Variants in ATG12 observed in about 807,000 individuals in gnomAD.
ATG12 encodes the protein ubiquitin-like protein ATG12.
In ATG12, 19 loss-of-function variants were observed where a neutral mutation model predicts 17.6. The observed-to-expected ratio is 1.08, with a 90% CI of 0.75 to 1.58. The LOEUF (loss-of-function observed/expected upper bound fraction) is 1.58. Among genes scored for constraint, ATG12 ranks in the 40% most tolerant of loss-of-function variants. The probability of loss-of-function intolerance (pLI) is 0.00; values close to 1 mark genes in which losing one functional copy is unlikely to be tolerated. For synonymous variants in ATG12, 75 were observed against 62.4 expected, an observed-to-expected ratio of 1.20 and a Z score of -0.95; for missense variants, 214 against 162.0, an observed-to-expected ratio of 1.32 and a Z score of -1.74.
At chr5:115,840,598 A>G (rs532913790) in intron 1 of ATG12, 5 of 1,279,510 alleles carry the variant, frequency 3.9e-6, no homozygotes, top group Non-Finnish European at 2.0e-6. Flanking sequence ...GCGCCCGGCC[A>G]GAGACCACTG....
chr5:115,834,672 G>A (rs535379532), intron 2 of ATG12, among the ~76,000 whole-genome samples: 34 of 152,110 alleles, frequency 2.2e-4, no homozygotes, highest in Non-Finnish European at 4.0e-4. Flanking sequence ...AATAGTCTGT[G>A]CCCCGATTAA....
At position 115,832,719 on chromosome 5, in the gene ATG12, A is replaced by AT. The variant is rs759539361; in HGVS notation, c.301-56dup. 1.1e-3 allele frequency: 1,521 copies of AT among 1,412,314 alleles called. 1 individual carries two copies. The highest frequency in any genetic ancestry group is 1.4e-3 in the Non-Finnish European group (1,439 of 1,064,072). 87.5% of individuals were successfully genotyped at this position (1,412,314 alleles called of 1,614,324 possible). On this transcript the variant is annotated intron_variant, in intron 2 of 3. Coordinates refer to ENST00000509910, the MANE Select transcript of ATG12 (RefSeq NM_004707.4). Reference sequence around the variant, plus strand: ...TTTAATGGTATCCTGATTAATCTGCATTTTTCTGCATTCCAATCAGCTAGC... The same window carrying AT: ...TTTAATGGTATCCTGATTAATCTGCATTTTTTCTGCATTCCAATCAGCTAGC...
At chr5:115,831,945 C>T in intron 3 of ATG12, 82 bp from the exon 4 acceptor site, 1 of 1,296,828 alleles carries the variant, frequency 7.7e-7, no homozygotes. Flanking sequence ...CCACATGTAT[C>T]ATAAATATCC....
chr5:115,832,896 C>A lies in ATG12; in HGVS notation c.301-232G>T, dbSNP rs569743569. On this transcript the variant is annotated intron_variant, in intron 2 of 3. Transcript: ENST00000509910. ...CAGTTCCTAGAACAGTGGTTCCTAA[C>A]TTTGTATAACTAAGAAACTTTTAAA... The A allele has an allele frequency of 1.1e-5, 4 of 378,258 alleles. No homozygotes were observed. The East Asian group carries it at 1.6e-4, about 15-fold the overall frequency. 23.4% of individuals were successfully genotyped at this position (378,258 alleles called of 1,614,324 possible). A position where few individuals can be genotyped will look rare whatever the true frequency, so the allele number is the denominator to read the frequency against.
Position 115,841,445 on chromosome 5 carries a change from A to G in ATG12, c.108T>C (p.Ser36=), listed in dbSNP as rs368622242. 5 of 1,610,138 alleles carry G rather than the reference A, an allele frequency of 3.1e-6. No homozygotes were observed. The African/African-American group carries it at 6.7e-5, about 22-fold the overall frequency. The part of the protein sequence containing the change: ...SPETTTPEPP[S]SAAVSPGTEE... ...CTGTTCCCGGGGAAACTGCAGCGGA[A>G]GACGGGGGCTCCGGGGTGGTTGTTT... The change falls in exon 1 of 4, where the codon TCT becomes TCC. Residue 36 remains serine (S), a synonymous_variant. Coordinates refer to ENST00000509910, the MANE Select transcript of ATG12 (RefSeq NM_004707.4).
At chr5:115,832,432 A>T (rs2112718227) in intron 3 of ATG12, among the ~76,000 whole-genome samples, 170 bp downstream of exon 3, 1 of 152,142 alleles carries the variant, frequency 6.6e-6, no homozygotes, top group East Asian at 1.9e-4. Flanking sequence ...ACAGAACAAG[A>T]AAGTCATCTT....
At chr5:115,837,380 T>TG (rs1761149207) in intron 2 of ATG12, among the ~76,000 whole-genome samples, 1 of 150,750 alleles carries the variant, frequency 6.6e-6, no homozygotes, top group African/African-American at 2.4e-5. Context: ...GCTACTAGGG[T>TG]GGCTGAGGCA....
Position 115,840,524 on chromosome 5 carries a change from T to G in ATG12, c.163+866A>C, listed in dbSNP as rs142331224. On this transcript the variant is annotated intron_variant, in intron 1 of 3. Transcript: ENST00000509910. ...TGTTGGCCAGGCTGGTCTCGAACTCTTGACCTCAGGTGATCCACCCGCCTC... is the reference window on the plus strand; with the variant it reads ...TGTTGGCCAGGCTGGTCTCGAACTCGTGACCTCAGGTGATCCACCCGCCTC... 6.6e-4 allele frequency: 626 copies of G among 955,348 alleles called. 4 individuals carry two copies. The African/African-American group carries it at 9.7e-3, about 15-fold the overall frequency. 59.2% of individuals were successfully genotyped at this position (955,348 alleles called of 1,614,324 possible). A position where few individuals can be genotyped will look rare whatever the true frequency, so the allele number is the denominator to read the frequency against.
At chr5:115,841,095 T>A in intron 1 of ATG12, 1 of 142,260 alleles carries the variant, frequency 7.0e-6, no homozygotes, top group Non-Finnish European at 1.3e-5. Flanking sequence ...CCCGCCCCAC[T>A]CAGCTCCCTC....
intron 1 of ATG12, chr5:115,840,896 G>C (rs1761393930): frequency 7.8e-7 from 1 of 1,288,444 alleles, no homozygotes; most frequent in African/African-American, 1.5e-5. Flanking sequence ...TTCTGCATAA[G>C]AATTTGGTTT....
rs372324151 is a variant in ATG12 at position 115,834,611 on chromosome 5, GCTCT to G, written c.301-1951_301-1948del. Among the ~76,000 whole-genome samples the G allele has an allele frequency of 2.3e-3, 346 of 152,134 alleles. 1 individual carries two copies. Among genetic ancestry groups the G allele is most frequent in the African/African-American group, 8.1e-3 (335 of 41,508 alleles). ...TGTCTCTAGTTATTCTGGTTATAAA[GCTCT>G]CTGTCTAGTGGATTCCTCATGGTTC... On this transcript the variant is annotated intron_variant, in intron 2 of 3. Coordinates refer to ENST00000509910, the MANE Select transcript of ATG12 (RefSeq NM_004707.4).
chr5:115,839,461 G>A (rs1479338192), intron 1 of ATG12: 2 of 152,044 alleles, frequency 1.3e-5, no homozygotes, highest in Non-Finnish European at 2.9e-5. Context: ...AATCCCCTGG[G>A]GCTATCAATA....
rs1760741413 is a variant in ATG12, at chr5:115,828,776, A to G, written c.*3028T>C. The stretch of plus-strand genomic sequence containing the variant: ...CATATAAGGAAATGTACTAAGTATT[A>G]TGTGTGTGTGGGTACCAGATAAAAA... On this transcript the variant is annotated 3_prime_UTR_variant, in exon 4 of 4. Coordinates refer to ENST00000509910, the MANE Select transcript of ATG12 (RefSeq NM_004707.4). The G allele has an allele frequency of 6.6e-6, 1 of 152,176 alleles. No homozygotes were observed. Among genetic ancestry groups the G allele is most frequent in the Non-Finnish European group, 1.5e-5 (1 of 68,012 alleles). The allele number at this position is 152,176 out of a possible 1,614,324, so 9.4% of individuals were successfully genotyped here. A position where few individuals can be genotyped will look rare whatever the true frequency, so the allele number is the denominator to read the frequency against.
At chr5:115,837,388 G>A (rs1406599568) in intron 2 of ATG12, among the ~76,000 whole-genome samples, 1 of 151,880 alleles carries the variant, frequency 6.6e-6, no homozygotes, top group African/African-American at 2.4e-5. Flanking sequence ...GGTGGCTGAG[G>A]CAGGAGAATC....
chr5:115,833,475 T>C (rs1760969672), intron 2 of ATG12: 1 of 152,082 alleles, frequency 6.6e-6, no homozygotes, highest in Admixed American at 6.5e-5. Context: ...TTAGCCAATA[T>C]AGTGTGGTGA....
chr5:115,837,904 A>G, intron 1 of ATG12, 140 bp from the exon 2 acceptor site: 2 of 705,788 alleles, frequency 2.8e-6, no homozygotes, highest in Non-Finnish European at 4.2e-6. Flanking sequence ...TGAGAGATGT[A>G]AAAATGTTAG....
Position 115,841,450 on chromosome 5 carries a change from G to T in ATG12, c.103C>A (p.Pro35Thr), listed in dbSNP as rs754403775. ...CCCGGGGAAACTGCAGCGGAAGACG[G>T]GGGCTCCGGGGTGGTTGTTTCTGGG... The part of the protein sequence containing the change: ...VSPETTTPEP[P>T]SSAAVSPGTE... The change falls in exon 1 of 4, where the codon CCG becomes ACG. Residue 35 changes from proline to threonine, a missense_variant. Physicochemically the swap from Pro to Thr is conservative, Grantham distance 38. Transcript: ENST00000509910. The T allele has an allele frequency of 1.2e-6, 2 of 1,609,904 alleles. No homozygotes were observed. The highest frequency in any genetic ancestry group is 1.7e-6 in the Non-Finnish European group (2 of 1,179,012).
At chr5:115,840,287 G>A (rs1034324998) in intron 1 of ATG12, among the ~76,000 whole-genome samples, 1 of 150,530 alleles carries the variant, frequency 6.6e-6, no homozygotes, top group Non-Finnish European at 1.5e-5. Context: ...AAAGCAATGA[G>A]ACCAATGTCT....
chr5:115,837,506 A>C (rs1761155179), intron 2 of ATG12, 122 bp downstream of exon 2: 2 of 1,031,868 alleles, frequency 1.9e-6, no homozygotes, highest in African/African-American at 1.7e-5. Context: ...TAAAGGGATA[A>C]AAGGGCATAA....
Sources: gnomAD v4.1 joint callset for allele counts (sites outside exome capture counted in the v4.1 genomes callset) on GRCh38, gnomAD v4.1.1 for gene constraint, MANE v1.5 for transcripts, NCBI Gene and HGNC (gene_info 2026-07-23, HGNC 2026-07-21) for gene names.